The following POU6F2 variants were observed in gnomAD, a reference collection of about 807,000 sequenced individuals.
POU6F2 encodes POU class 6 homeobox 2.
In POU6F2, 31 loss-of-function variants were observed where a neutral mutation model predicts 71.3. The observed-to-expected ratio is 0.43, with a 90% CI of 0.33 to 0.59. The LOEUF is 0.59. Among genes scored for constraint, POU6F2 ranks in the 20% least tolerant of loss-of-function variants. The pLI is 0.04. For synonymous variants in POU6F2, 347 were observed against 355.7 expected (o/e 0.98, Z 0.27); for missense variants, 783 against 856.8 (o/e 0.91, Z 1.07).
intron 2 of POU6F2, among the ~76,000 whole-genome samples, chr7:39,100,138 T>G (rs1791536941): frequency 1.3e-5 from 2 of 152,234 alleles, no homozygotes; most frequent in Non-Finnish European, 2.9e-5. Flanking sequence ...TCCTCATTCC[T>G]TAAGGAATTT....
chr7:39,015,299 A>T (rs1004611778), intron 1 of POU6F2, among the ~76,000 whole-genome samples: 40 of 130,356 alleles, frequency 3.1e-4, no homozygotes, highest in South Asian at 9.0e-4. Flanking sequence ...ATATATCTAT[A>T]AATATCTATA....
chr7:39,191,265 A>T (rs1411084924), intron 2 of POU6F2, among the ~76,000 whole-genome samples: 1 of 152,240 alleles, frequency 6.6e-6, no homozygotes, highest in South Asian at 2.1e-4. Context: ...TCCTTGTGGA[A>T]CAAAATATTC....
rs561265606 is a variant in POU6F2, at chr7:39,033,166, A to G, written c.106-52694A>G. ...GGCATCAAGAGAATATACACTATAC[A>G]TCAATGATCAGTTGCCTAAAAACAA... On this transcript the variant is annotated intron_variant, in intron 1 of 9. Transcript: ENST00000518318. 5.3e-5 allele frequency among the ~76,000 whole-genome samples: 8 copies of G among 152,372 alleles called. No individual in the cohort carries two copies. The East Asian group carries it at 1.2e-3, about 22-fold the overall frequency.
At chr7:39,190,009 C>A (rs1427271296) in intron 2 of POU6F2, among the ~76,000 whole-genome samples, 1 of 150,328 alleles carries the variant, frequency 6.7e-6, no homozygotes, top group East Asian at 2.0e-4. Flanking sequence ...TTCTCCCACC[C>A]CAGCCTCCCG....
At chr7:39,245,648 T>C (rs532605885) in intron 4 of POU6F2, among the ~76,000 whole-genome samples, 1 of 152,332 alleles carries the variant, frequency 6.6e-6, no homozygotes, top group Admixed American at 6.5e-5. Context: ...TGCAAGTCTC[T>C]TTCCATCTAG....
At chr7:39,314,829 C>T (rs1785232300) in intron 4 of POU6F2, among the ~76,000 whole-genome samples, 1 of 152,038 alleles carries the variant, frequency 6.6e-6, no homozygotes, top group Non-Finnish European at 1.5e-5. Context: ...TAGAAATGTA[C>T]CTGCTTAAGC....
Position 39,187,779 on chromosome 7 carries a change from C to T in POU6F2, c.278-16456C>T, listed in dbSNP as rs145380366. 9.8e-4 allele frequency among the ~76,000 whole-genome samples: 149 copies of T among 152,292 alleles called. 2 individuals are homozygous for T. In the South Asian group the frequency reaches 0.022, roughly 22 times the overall value. On this transcript the variant is annotated intron_variant, in intron 2 of 9. Coordinates refer to ENST00000518318, the MANE Select transcript of POU6F2 (RefSeq NM_001370959.1). ...GTTTTTTTGGACCTGTGGGAGATTA[C>T]GCTGTTTCGGAACACCGGATACAAG...
intron 2 of POU6F2, among the ~76,000 whole-genome samples, chr7:39,112,490 C>T (rs35260914): frequency 0.03 from 4,539 of 152,110 alleles, 95 homozygotes; most frequent in Middle Eastern, 0.078. Context: ...TTTCAATATG[C>T]TTATAACCAA....
chr7:39,386,339 A>G, intron 5 of POU6F2, among the ~76,000 whole-genome samples: 1 of 152,142 alleles, frequency 6.6e-6, no homozygotes. Context: ...TTCTGGGTAA[A>G]CACACCTGGA....
chr7:39,330,708 A>C (rs1178587413), intron 4 of POU6F2, among the ~76,000 whole-genome samples: 1 of 152,262 alleles, frequency 6.6e-6, no homozygotes, highest in Non-Finnish European at 1.5e-5. Context: ...TGTTTATTTT[A>C]ATTGACATTG....
chr7:39,059,493 T>A (rs1790606171), intron 1 of POU6F2, among the ~76,000 whole-genome samples: 1 of 139,916 alleles, frequency 7.1e-6, no homozygotes. Context: ...CCCACTAAGA[T>A]GTCTGTAATT....
At chr7:39,021,433 A>G (rs956057653) in intron 1 of POU6F2, among the ~76,000 whole-genome samples, 43 of 152,106 alleles carry the variant, frequency 2.8e-4, no homozygotes, top group Admixed American at 1.2e-3. Context: ...CCAGACTAAG[A>G]TAAGCATTTA....
intron 1 of POU6F2, among the ~76,000 whole-genome samples, chr7:38,983,482 G>T (rs1191929463): frequency 2.0e-5 from 3 of 150,660 alleles, no homozygotes; most frequent in Admixed American, 1.3e-4. Context: ...AAATTGCTCT[G>T]TTGAGCCATA....
At chr7:39,215,602 G>A (rs1794224144) in intron 4 of POU6F2, among the ~76,000 whole-genome samples, 1 of 152,124 alleles carries the variant, frequency 6.6e-6, no homozygotes, top group Non-Finnish European at 1.5e-5. Flanking sequence ...AGCATTAGAG[G>A]TAGTGATCTG....
chr7:39,129,659 A>G (rs566363687), intron 2 of POU6F2, among the ~76,000 whole-genome samples: 45 of 152,146 alleles, frequency 3.0e-4, no homozygotes, highest in African/African-American at 1.0e-3. Context: ...ATAGATAGAT[A>G]GATAGATAGA....
intron 5 of POU6F2, among the ~76,000 whole-genome samples, chr7:39,391,130 T>C (rs1787068392): frequency 6.6e-6 from 1 of 152,226 alleles, no homozygotes; most frequent in Non-Finnish European, 1.5e-5. Context: ...TCCATTTTAT[T>C]TTGGTAAATT....
chr7:39,029,391 A>G (rs183311139), intron 1 of POU6F2, among the ~76,000 whole-genome samples: 1 of 152,214 alleles, frequency 6.6e-6, no homozygotes, highest in Non-Finnish European at 1.5e-5. Context: ...TATTGAATCC[A>G]ATATTTAATA....
intron 1 of POU6F2, among the ~76,000 whole-genome samples, chr7:38,997,215 A>G (rs767705783): frequency 2.4e-4 from 36 of 152,256 alleles, no homozygotes; most frequent in Non-Finnish European, 3.7e-4. Flanking sequence ...ATGGCTTGGA[A>G]TGCATTCTTC....
At chr7:39,418,306 C>G (rs1441295611) in intron 6 of POU6F2, among the ~76,000 whole-genome samples, 1 of 152,182 alleles carries the variant, frequency 6.6e-6, no homozygotes, top group East Asian at 1.9e-4. Context: ...AGTCAATAAG[C>G]ATTTTTGCAT....
Sources: allele counts gnomAD v4.1 joint callset (sites outside exome capture counted in the v4.1 genomes callset), GRCh38; gene constraint gnomAD v4.1.1; transcripts MANE v1.5; gene names NCBI Gene and HGNC (gene_info 2026-07-23, HGNC 2026-07-21).